Variants in SLC30A4 observed in about 807,000 individuals in gnomAD.
SLC30A4 encodes the protein probable proton-coupled zinc antiporter SLC30A4.
In SLC30A4, 20 loss-of-function variants were observed where a neutral mutation model predicts 41.7. The observed-to-expected ratio is 0.48, with a 90% CI of 0.34 to 0.70. The LOEUF (loss-of-function observed/expected upper bound fraction) is 0.70, where lower values mean the gene tolerates loss of function less well. Among genes scored for constraint, SLC30A4 ranks in the 30% least tolerant of loss-of-function variants. The pLI, the probability that SLC30A4 is intolerant of heterozygous loss-of-function variation, is 0.01. For synonymous variants in SLC30A4, 181 were observed against 195.9 expected, an observed-to-expected ratio of 0.92 and a Z score of 0.64; for missense variants, 441 against 529.3, an observed-to-expected ratio of 0.83 and a Z score of 1.64.
chr15:45,508,246 A>G (rs1892201655), intron 3 of SLC30A4, among the ~76,000 whole-genome samples: 1 of 152,184 alleles, frequency 6.6e-6, no homozygotes, highest in African/African-American at 2.4e-5. Flanking sequence ...AGTAAGACTT[A>G]TTTTGGAGCA....
Position 45,485,198 on chromosome 15 carries a change from T to C in SLC30A4, c.1255A>G (p.Arg419Gly). 1 of 1,613,248 alleles carries C rather than the reference T, an allele frequency of 6.2e-7. No homozygotes were observed. The highest frequency in any genetic ancestry group is 1.1e-5 in the South Asian group (1 of 90,820). The change falls in exon 8 of 8, where the codon AGA becomes GGA. Residue 419 changes from arginine to glycine, a missense_variant. Physicochemically the swap from Arg to Gly is moderately radical, Grantham distance 125. This residue lies in a region of SLC30A4 where 100 missense variants were observed against 121.0 expected (regional missense o/e 0.83). Transcript: ENST00000261867. Reference sequence around the variant, plus strand: ...GAACTCTGACAATTTGCACAAGTTCTGTCCACTTCTTGCCTGTAACTCTGA... The same window carrying C: ...GAACTCTGACAATTTGCACAAGTTCCGTCCACTTCTTGCCTGTAACTCTGA... Reference protein sequence around the residue: ...QLQSYRQEVDRTCANCQSSSP With the variant: ...QLQSYRQEVDGTCANCQSSSP
chr15:45,492,596 T>C (rs923015262), intron 3 of SLC30A4, among the ~76,000 whole-genome samples: 5 of 152,050 alleles, frequency 3.3e-5, no homozygotes, highest in Non-Finnish European at 7.4e-5. Context: ...AAAAAGTGAT[T>C]AGTAGGGACC....
chr15:45,491,426 C>T (rs1891807999), intron 3 of SLC30A4, among the ~76,000 whole-genome samples: 1 of 152,192 alleles, frequency 6.6e-6, no homozygotes, highest in African/African-American at 2.4e-5. Context: ...AAAAAGTACA[C>T]TCAAAAGTCA....
Position 45,479,920 on chromosome 15 carries a change from T to C in SLC30A4, c.*5243A>G, listed in dbSNP as rs1021850052. The stretch of plus-strand genomic sequence containing the variant: ...TTCAAAATCTTTCTAAAATCAATCA[T>C]ATGCAAAATACCTGGTTTCTGAAAG... On this transcript the variant is annotated 3_prime_UTR_variant, in exon 8 of 8. Transcript: ENST00000261867. 2.6e-5 allele frequency: 4 copies of C among 151,980 alleles called. No homozygotes were observed. The South Asian group carries it at 8.3e-4, about 32-fold the overall frequency. 9.4% of individuals were successfully genotyped at this position (151,980 alleles called of 1,614,324 possible).
At chr15:45,516,063 C>A (rs1348191463) in intron 2 of SLC30A4, among the ~76,000 whole-genome samples, 2 of 152,120 alleles carry the variant, frequency 1.3e-5, no homozygotes, top group Non-Finnish European at 2.9e-5. Context: ...CTGCGCCCAC[C>A]CTGAATTTCT....
rs1196275347 is a variant in SLC30A4 at position 45,486,689 on chromosome 15, C to T, written c.1057G>A (p.Asp353Asn). 1 of 1,595,364 alleles carries T rather than the reference C, an allele frequency of 6.3e-7. No individual in the cohort carries two copies. Among genetic ancestry groups the T allele is most frequent in the African/African-American group, 1.4e-5 (1 of 74,032 alleles). The change falls in exon 7 of 8, where the codon GAT becomes AAT. Residue 353 changes from aspartate to asparagine, a missense_variant. By Grantham distance (23) the Asp-to-Asn change is conservative (BLOSUM62 1). This residue lies in a region of SLC30A4 where 100 missense variants were observed against 121.0 expected (regional missense o/e 0.83). Coordinates refer to ENST00000261867, the MANE Select transcript of SLC30A4 (RefSeq NM_013309.6). ...YIKEALMKIE[D>N]VYSVEDLNIW... The stretch of plus-strand genomic sequence containing the variant: ...TTTAAATCTTCGACTGAATATACAT[C>T]TTCTATTTTCATCAAGGCTTCTTTG...
chr15:45,503,568 A>G (rs1444042270), intron 3 of SLC30A4, among the ~76,000 whole-genome samples: 1 of 151,866 alleles, frequency 6.6e-6, no homozygotes, highest in Admixed American at 6.6e-5. Flanking sequence ...GTGAGCCAAG[A>G]TCGAGCCACT....
rs191175170 is a variant in SLC30A4 at position 45,490,691 on chromosome 15, T to C, written c.692+37A>G. 964 of 1,456,538 alleles carry C rather than the reference T, an allele frequency of 6.6e-4. 4 individuals carry two copies. Among genetic ancestry groups the C allele is most frequent in the Non-Finnish European group, 1.0e-4 (111 of 1,064,700 alleles). The allele number at this position is 1,456,538 out of a possible 1,614,324, so 90.2% of individuals were successfully genotyped here. The stretch of plus-strand genomic sequence containing the variant: ...TATGCAATAGTCTCTGAGTTCACAG[T>C]ACTTGAAAATATTAATGTGAAAAAA... On this transcript the variant is annotated intron_variant, in intron 4 of 7. Transcript: ENST00000261867.
At position 45,522,664 on chromosome 15, in the gene SLC30A4, GCGGGCTCGCGCTGCTCCAC is replaced by G. The variant is rs1566885775; in HGVS notation, c.-191_-173del. ...CCCCGCCCCCGGCCGGCTCAGCGAG[GCGGGCTCGCGCTGCTCCAC>G]CCGCGGCCGCAGGAGAGTGGGGTCG... On this transcript the variant is annotated 5_prime_UTR_variant, in exon 1 of 8. Transcript: ENST00000261867. The G allele has an allele frequency of 4.3e-6, 1 of 230,022 alleles. No individual in the cohort carries two copies. Among genetic ancestry groups the G allele is most frequent in the East Asian group, 9.7e-5 (1 of 10,340 alleles). The allele number at this position is 230,022 out of a possible 1,614,324, so 14.2% of individuals were successfully genotyped here. A position where few individuals can be genotyped will look rare whatever the true frequency, so the allele number is the denominator to read the frequency against.
At chr15:45,494,087 T>C (rs1327175837) in intron 3 of SLC30A4, among the ~76,000 whole-genome samples, 1 of 152,136 alleles carries the variant, frequency 6.6e-6, no homozygotes, top group Admixed American at 6.6e-5. Context: ...GAGGATATGG[T>C]CCAAGTCTTA....
chr15:45,493,810 G>A (rs898138458), intron 3 of SLC30A4, among the ~76,000 whole-genome samples: 1 of 152,036 alleles, frequency 6.6e-6, no homozygotes, highest in Non-Finnish European at 1.5e-5. Context: ...CTGGCCGACA[G>A]AGTGAGACTC....
At chr15:45,491,283 C>A (rs906326022) in intron 3 of SLC30A4, among the ~76,000 whole-genome samples, 1 of 152,202 alleles carries the variant, frequency 6.6e-6, no homozygotes, top group African/African-American at 2.4e-5. Flanking sequence ...TTACCCTTAC[C>A]TCTCCCTACC....
At chr15:45,512,718 G>T (rs1273988291) in intron 2 of SLC30A4, among the ~76,000 whole-genome samples, 1 of 152,164 alleles carries the variant, frequency 6.6e-6, no homozygotes, top group African/African-American at 2.4e-5. Context: ...TTATAATGAG[G>T]ATAATTCCTT....
In SLC30A4 at chr15:45,479,789, T is replaced by C. The variant is rs1285767565; in HGVS notation, c.*5374A>G. 6.6e-6 allele frequency: 1 copy of C among 151,852 alleles called. No individual in the cohort carries two copies. The highest frequency in any genetic ancestry group is 2.4e-5 in the African/African-American group (1 of 41,374). 9.4% of individuals were successfully genotyped at this position (151,852 alleles called of 1,614,324 possible). On this transcript the variant is annotated 3_prime_UTR_variant, in exon 8 of 8. Coordinates refer to ENST00000261867, the MANE Select transcript of SLC30A4 (RefSeq NM_013309.6). ...TTTAATAAACCACATGGCAAAACAA[T>C]ACTTTAATAAGTGTATAGGAAATTA...
chr15:45,507,189 G>C (rs999768638), intron 3 of SLC30A4, among the ~76,000 whole-genome samples: 3 of 151,782 alleles, frequency 2.0e-5, no homozygotes, highest in Non-Finnish European at 4.4e-5. Flanking sequence ...GAGTGGCGGC[G>C]GGCCCCTGTA....
intron 3 of SLC30A4, among the ~76,000 whole-genome samples, chr15:45,493,689 G>C (rs946806153): frequency 2.0e-5 from 3 of 152,250 alleles, no homozygotes; most frequent in South Asian, 4.1e-4. Context: ...AGCTGGGCGT[G>C]GTGGCGGGCC....
intron 3 of SLC30A4, among the ~76,000 whole-genome samples, chr15:45,508,425 C>T (rs1333570582): frequency 6.6e-6 from 1 of 152,110 alleles, no homozygotes; most frequent in Non-Finnish European, 1.5e-5. Flanking sequence ...CCCACTTATT[C>T]AATTAATCTT....
intron 2 of SLC30A4, among the ~76,000 whole-genome samples, chr15:45,511,961 A>AAGAAGG (rs1488419223): frequency 6.6e-6 from 1 of 152,236 alleles, no homozygotes; most frequent in Non-Finnish European, 1.5e-5. Flanking sequence ...AGCTGAAGAA[A>AAGAAGG]AGAAGGGTGT....
intron 3 of SLC30A4, among the ~76,000 whole-genome samples, chr15:45,495,100 A>G (rs1245159648): frequency 6.6e-6 from 1 of 151,938 alleles, no homozygotes; most frequent in East Asian, 1.9e-4. Context: ...GAACTGCAAC[A>G]GTGCCACTAC....
Sources: allele counts gnomAD v4.1 joint callset (sites outside exome capture counted in the v4.1 genomes callset), GRCh38; gene constraint gnomAD v4.1.1; regional missense constraint gnomAD v4.1.1; transcripts MANE v1.5; gene names NCBI Gene and HGNC (gene_info 2026-07-23, HGNC 2026-07-21).